GNAI2: variants seen among roughly 807,000 people sequenced by gnomAD.
The protein encoded by GNAI2 is G protein subunit alpha i2, also known as guanine nucleotide-binding protein G(i) subunit alpha-2.
A neutral mutation model predicts 36.8 loss-of-function variants in GNAI2; 4 were observed. The observed-to-expected ratio is 0.11, with a 90% CI of 0.05 to 0.25. GNAI2 has a LOEUF of 0.25. Ranked by LOEUF, GNAI2 falls within the 10% of genes least tolerant of loss-of-function variation. The pLI is 1.00. For synonymous variants in GNAI2, 194 were observed against 194.1 expected (o/e 1.00, Z 0.01); for missense variants, 230 against 481.3 (o/e 0.48, Z 4.89).
chr3:50,247,886 G>A (rs952564141), intron 1 of GNAI2, among the ~76,000 whole-genome samples: 1 of 152,264 alleles, frequency 6.6e-6, no homozygotes, highest in Non-Finnish European at 1.5e-5. Flanking sequence ...GGCAGGAGGG[G>A]CTGATTCATG....
chr3:50,256,659 A>G lies in GNAI2; in HGVS notation c.594-64A>G. 5 of 1,582,440 alleles carry G rather than the reference A, an allele frequency of 3.2e-6. No homozygotes were observed. In the East Asian group the frequency reaches 6.7e-5, roughly 21 times the overall value. On this transcript the variant is annotated intron_variant, in intron 5 of 8. Coordinates refer to ENST00000313601, the MANE Select transcript of GNAI2 (RefSeq NM_002070.4). ...CCTCTGTCCTCAGTCAGCCAACCTG[A>G]GAAATGGGGTAGAAAGCCTCCCCCA...
intron 1 of GNAI2, chr3:50,251,709 C>CCAGG: frequency 7.5e-7 from 1 of 1,341,292 alleles, no homozygotes; most frequent in South Asian, 1.2e-5. Flanking sequence ...CCAGCTCTGC[C>CCAGG]CAGGGCACCA....
At position 50,256,173 on chromosome 3, in the gene GNAI2, TCCCACCC is replaced by T; in HGVS notation, c.465-14_465-8del. On this transcript the variant is annotated splice_polypyrimidine_tract_variant and intron_variant, in intron 4 of 8. Coordinates refer to ENST00000313601, the MANE Select transcript of GNAI2 (RefSeq NM_002070.4). ...GCCCCATGCTGGCCCCCACTGACCCTCCCACCCCCCATCCCCAGCTACCTGAACGACC... is the reference window on the plus strand; with the variant it reads ...GCCCCATGCTGGCCCCCACTGACCCTCCCATCCCCAGCTACCTGAACGACC... The T allele has an allele frequency of 9.7e-6, 5 of 517,068 alleles. No individual in the cohort carries two copies. The highest frequency in any genetic ancestry group is 1.7e-5 in the Non-Finnish European group (5 of 302,304). The allele number at this position is 517,068 out of a possible 1,614,324, so 32.0% of individuals were successfully genotyped here. A position where few individuals can be genotyped will look rare whatever the true frequency, so the allele number is the denominator to read the frequency against.
At chr3:50,249,632 C>T (rs1700507813) in intron 1 of GNAI2, among the ~76,000 whole-genome samples, 1 of 152,228 alleles carries the variant, frequency 6.6e-6, no homozygotes, top group Admixed American at 6.5e-5. Context: ...TTTGTATGTC[C>T]ACAAGATTGT....
chr3:50,236,112 C>T (rs1419077045), upstream of GNAI2: 1 of 1,006,502 alleles, frequency 9.9e-7, no homozygotes, highest in Admixed American at 4.9e-5. This position sits in a 1 kb window ranked among gnomAD's most constrained non-coding sequence, Gnocchi z 4.0. Context: ...CCTGCAAGCC[C>T]GCCCCGGCCC....
At position 50,252,265 on chromosome 3, in the gene GNAI2, C is replaced by A; in HGVS notation, c.161+123C>A. The A allele has an allele frequency of 1.4e-6, 2 of 1,393,526 alleles. No individual in the cohort carries two copies. Among genetic ancestry groups the A allele is most frequent in the Non-Finnish European group, 2.0e-6 (2 of 989,208 alleles). 86.3% of individuals were successfully genotyped at this position (1,393,526 alleles called of 1,614,324 possible). A position where few individuals can be genotyped will look rare whatever the true frequency, so the allele number is the denominator to read the frequency against. On this transcript the variant is annotated intron_variant, in intron 2 of 8. Coordinates refer to ENST00000313601, the MANE Select transcript of GNAI2 (RefSeq NM_002070.4). This position sits in a 1 kb window ranked among gnomAD's most constrained non-coding sequence, Gnocchi z 4.1. Reference sequence around the variant, plus strand: ...GCCAGGCCCAGAATCTTCTGAGAAGCAGAAGGACCCTCAGGTCCCAGTGGG... The same window carrying A: ...GCCAGGCCCAGAATCTTCTGAGAAGAAGAAGGACCCTCAGGTCCCAGTGGG...
rs1700684413 is a variant in GNAI2 at position 50,255,893 on chromosome 3, A to G, written c.465-299A>G. ...TGGTGAAACCCCGTCTCTACTAAAA[A>G]TACAAAAATTAGCTGGGCGGCAGGC... On this transcript the variant is annotated intron_variant, in intron 4 of 8. Coordinates refer to ENST00000313601, the MANE Select transcript of GNAI2 (RefSeq NM_002070.4). The surrounding 1 kb of genome is among the most constrained non-coding windows in gnomAD (Gnocchi z 4.0). Among the ~76,000 whole-genome samples, 1 of 151,994 alleles carries G rather than the reference A, an allele frequency of 6.6e-6. No individual in the cohort carries two copies. The highest frequency in any genetic ancestry group is 2.4e-5 in the African/African-American group (1 of 41,372).
chr3:50,228,594 C>T (rs1274472083), upstream of GNAI2, among the ~76,000 whole-genome samples: 1 of 151,718 alleles, frequency 6.6e-6, no homozygotes, highest in Non-Finnish European at 1.5e-5. Context: ...ATTCTGCCTT[C>T]AACACCCTCC....
intron 1 of GNAI2, among the ~76,000 whole-genome samples, chr3:50,245,263 G>A (rs1197824900): frequency 1.3e-5 from 2 of 152,204 alleles, no homozygotes; most frequent in African/African-American, 4.8e-5. Context: ...CTCCCAAAGT[G>A]CTGGGAATAC....
rs920153120 is a variant in GNAI2, at chr3:50,253,914, G to T, written c.464+730G>T. On this transcript the variant is annotated intron_variant, in intron 4 of 8. Coordinates refer to ENST00000313601, the MANE Select transcript of GNAI2 (RefSeq NM_002070.4). The surrounding 1 kb of genome is among the most constrained non-coding windows in gnomAD (Gnocchi z 4.2). ...CAGCCAGGGGAGGAGTGGATGAGGG[G>T]ATTCCAGGCAGGGGCATAGCATGTG... Among the ~76,000 whole-genome samples the T allele has an allele frequency of 2.0e-5, 3 of 152,120 alleles. No homozygotes were observed. Among genetic ancestry groups the T allele is most frequent in the Non-Finnish European group, 2.9e-5 (2 of 68,012 alleles).
At chr3:50,230,911 C>T in exon 1 of GNAI2, 1 of 985,428 alleles carries the variant, frequency 1.0e-6, no homozygotes, top group Non-Finnish European at 1.2e-6. Flanking sequence ...TATGAAGAAA[C>T]TGAGATGCCC....
chr3:50,246,920 A>T, intron 1 of GNAI2: 1 of 1,459,804 alleles, frequency 6.9e-7, no homozygotes, highest in East Asian at 2.5e-5. Flanking sequence ...GTCCCAGGTT[A>T]TGCTGAGTCC....
upstream of GNAI2, among the ~76,000 whole-genome samples, chr3:50,228,550 C>CAA (rs587623155): frequency 9.5e-5 from 9 of 94,822 alleles, no homozygotes; most frequent in East Asian, 2.5e-4. Context: ...ACTCCGTCTC[C>CAA]AAAAAAAAAA....
chr3:50,235,316 AT>A (rs782797873), upstream of GNAI2: 2,314 of 141,544 alleles, frequency 0.016, 43 homozygotes, highest in African/African-American at 0.046. Context: ...ATGGAAACCA[AT>A]TTTTTTTTTT....
upstream of GNAI2, chr3:50,227,071 T>TCAC (rs1394374661): frequency 5.1e-6 from 6 of 1,177,732 alleles, no homozygotes; most frequent in Non-Finnish European, 3.3e-6. This position sits in a 1 kb window ranked among gnomAD's most constrained non-coding sequence, Gnocchi z 5.9. Flanking sequence ...ATCACCCACA[T>TCAC]CACCGTCTAA....
chr3:50,239,563 T>G (rs1700255845), intron 1 of GNAI2: 1 of 152,178 alleles, frequency 6.6e-6, no homozygotes, highest in East Asian at 1.9e-4. Context: ...TGAACCTGAT[T>G]TTGGGTAGAT....
chr3:50,246,112 C>T (rs1245780012), intron 1 of GNAI2, among the ~76,000 whole-genome samples: 3 of 152,234 alleles, frequency 2.0e-5, no homozygotes, highest in Non-Finnish European at 4.4e-5. Context: ...GGGAGCAGCA[C>T]CTGGAGGAAG....
At chr3:50,231,189 A>G (rs1354420417) in intron 1 of GNAI2, among the ~76,000 whole-genome samples, 1 of 152,090 alleles carries the variant, frequency 6.6e-6, no homozygotes, top group East Asian at 1.9e-4. Flanking sequence ...CCCAGGCACT[A>G]TTGGTTTCTC....
At chr3:50,227,403 G>C (rs1699994799), upstream of GNAI2, 2 of 380,278 alleles carry the variant, frequency 5.3e-6, no homozygotes, top group Non-Finnish European at 9.4e-6. The surrounding 1 kb of genome is among the most constrained non-coding windows in gnomAD (Gnocchi z 5.9). Flanking sequence ...GAGCAGGCAA[G>C]GCGGGGGCCA....
Sources: allele counts gnomAD v4.1 joint callset (sites outside exome capture counted in the v4.1 genomes callset), GRCh38; gene constraint gnomAD v4.1.1; non-coding constraint Gnocchi (gnomAD v3.1); transcripts MANE v1.5; gene names NCBI Gene and HGNC (gene_info 2026-07-23, HGNC 2026-07-21).